The following PI4KA variants were observed in gnomAD, a reference collection of about 807,000 sequenced individuals.
PI4KA encodes the protein phosphatidylinositol 4-kinase alpha, also known as PI4-kinase alpha.
Under a neutral mutation model 271.4 loss-of-function variants are expected in PI4KA, and 122 were observed. That is an observed-to-expected ratio of 0.45 (90% CI 0.39 to 0.52). The LOEUF is 0.52. PI4KA is among the 20% of genes least tolerant of loss of function. PI4KA has a pLI of 0.00. For synonymous variants in PI4KA, 1,041 were observed against 1,078.8 expected (o/e 0.96, Z 0.69); for missense variants, 1,969 against 2,769.1 (o/e 0.71, Z 6.48).
chr22:20,758,449 T>G (rs1931569235), intron 23 of PI4KA, among the ~76,000 whole-genome samples: 1 of 139,376 alleles, frequency 7.2e-6, no homozygotes, highest in African/African-American at 2.7e-5. Flanking sequence ...GTGTGATTTT[T>G]CTTTCTTTTC....
At chr22:20,746,461 G>T (rs1274104432) in intron 29 of PI4KA, among the ~76,000 whole-genome samples, 1 of 152,186 alleles carries the variant, frequency 6.6e-6, no homozygotes, top group Non-Finnish European at 1.5e-5. Context: ...AGGCAAAACA[G>T]ATCTTTCACA....
At chr22:20,727,467 G>T in intron 40 of PI4KA, 70 bp from the exon 41 acceptor site, 2 of 1,384,440 alleles carry the variant, frequency 1.4e-6, no homozygotes, top group Non-Finnish European at 2.0e-6. Context: ...TGGTCCACGG[G>T]CCACACAAGG....
At chr22:20,740,947 A>G (rs1929357835) in intron 32 of PI4KA, among the ~76,000 whole-genome samples, 1 of 152,248 alleles carries the variant, frequency 6.6e-6, no homozygotes, top group African/African-American at 2.4e-5. Flanking sequence ...GGAACTGTTA[A>G]AGAAAATTAC....
chr22:20,800,768 A>G (rs1483621772), intron 14 of PI4KA, among the ~76,000 whole-genome samples: 5 of 149,718 alleles, frequency 3.3e-5, no homozygotes, highest in Non-Finnish European at 5.9e-5. Context: ...CAGCTACTCC[A>G]GAGGCTGAGG....
rs1924713061 is a variant in PI4KA, at chr22:20,707,941, C to T, written c.*106G>A. The T allele has an allele frequency of 9.8e-7, 1 of 1,021,300 alleles. No individual in the cohort carries two copies. The highest frequency in any genetic ancestry group is 1.6e-5 in the African/African-American group (1 of 63,642). 63.3% of individuals were successfully genotyped at this position (1,021,300 alleles called of 1,614,324 possible). ...GCTACCAGGTTCTTTGGGCCACAGG[C>T]CTCTCCTCCACTGCATGTGGCGGCA... On this transcript the variant is annotated 3_prime_UTR_variant, in exon 55 of 55. Coordinates refer to ENST00000255882, the MANE Select transcript of PI4KA (RefSeq NM_058004.4).
At position 20,709,990 on chromosome 22, in the gene PI4KA, T is replaced by C. The variant is rs769735124; in HGVS notation, c.6091A>G (p.Met2031Val). 2.9e-5 allele frequency: 47 copies of C among 1,612,176 alleles called. No individual in the cohort carries two copies. The highest frequency in any genetic ancestry group is 3.3e-4 in the Middle Eastern group (2 of 6,070). The stretch of plus-strand genomic sequence containing the variant: ...GTGACCAGGGAGACGACCGCGTCCA[T>C]GTAGGGCCTGGGGAGAGATAGGAGG... ...VRGYLAVRPY[M>V]DAVVSLVTLM... The change falls in exon 53 of 55, where the codon ATG (methionine) becomes GTG (valine). Residue 2031 changes from methionine (M) to valine (V), a missense_variant. Around this residue, in one of 13 missense-constraint regions of PI4KA, gnomAD observed 110 missense variants for 349.8 expected, o/e 0.31. Transcript: ENST00000255882.
chr22:20,784,573 G>A (rs1934057805), intron 19 of PI4KA, among the ~76,000 whole-genome samples: 1 of 152,206 alleles, frequency 6.6e-6, no homozygotes, highest in East Asian at 1.9e-4. Context: ...TACTTCCCCG[G>A]GTCACTTGAG....
chr22:20,849,895 C>T (rs1293753352), intron 1 of PI4KA, among the ~76,000 whole-genome samples: 1 of 152,070 alleles, frequency 6.6e-6, no homozygotes, highest in Non-Finnish European at 1.5e-5. Context: ...CAAAAAACCA[C>T]ATCTTATAGA....
At chr22:20,828,780 C>G (rs569173659) in intron 3 of PI4KA, among the ~76,000 whole-genome samples, 4 of 152,208 alleles carry the variant, frequency 2.6e-5, no homozygotes, top group African/African-American at 7.2e-5. Context: ...GTCTCAATCT[C>G]CTGACCTCGT....
At chr22:20,783,449 AAAAGAC>A (rs1453425482) in intron 19 of PI4KA, among the ~76,000 whole-genome samples, 9 of 151,560 alleles carry the variant, frequency 5.9e-5, no homozygotes, top group African/African-American at 1.9e-4. Flanking sequence ...AAAAAAAAAA[AAAAGAC>A]AGAAAGAAAA....
At chr22:20,771,485 A>G (rs1325844905) in intron 19 of PI4KA, among the ~76,000 whole-genome samples, 3 of 152,154 alleles carry the variant, frequency 2.0e-5, no homozygotes, top group African/African-American at 7.2e-5. Flanking sequence ...AAAAATGTCA[A>G]TGTCAAGAGG....
chr22:20,726,618 G>A, intron 41 of PI4KA, 77 bp from the exon 42 acceptor site: 2 of 1,308,466 alleles, frequency 1.5e-6, no homozygotes, highest in South Asian at 1.4e-5. Context: ...CCCTGCCTCT[G>A]CTTCTGCTCT....
intron 42 of PI4KA, chr22:20,721,641 C>T (rs1926751945): frequency 3.8e-6 from 2 of 531,566 alleles, no homozygotes; most frequent in East Asian, 3.0e-5. Context: ...GGTTGCAAAG[C>T]GGGCGACAGT....
At chr22:20,828,228 T>C (rs907906171) in intron 3 of PI4KA, among the ~76,000 whole-genome samples, 11 of 152,192 alleles carry the variant, frequency 7.2e-5, no homozygotes, top group Non-Finnish European at 1.5e-4. Flanking sequence ...TTTGCTGAAG[T>C]TGTTTATCAG....
Position 20,717,972 on chromosome 22 carries a change from G to A in PI4KA, c.5247-194C>T, listed in dbSNP as rs1248314852. ...TCATGGAGAATCCCCGACAGCCCCGGAAGGGCTGTTTTCTGGCAGGCTCTG... is the reference window on the plus strand; with the variant it reads ...TCATGGAGAATCCCCGACAGCCCCGAAAGGGCTGTTTTCTGGCAGGCTCTG... On this transcript the variant is annotated intron_variant, in intron 44 of 54. Transcript: ENST00000255882. 8.5e-6 allele frequency: 5 copies of A among 591,662 alleles called. No individual in the cohort carries two copies. In the East Asian group the frequency reaches 1.5e-4, roughly 18 times the overall value. 36.7% of individuals were successfully genotyped at this position (591,662 alleles called of 1,614,324 possible).
intron 37 of PI4KA, 73 bp downstream of exon 37, chr22:20,729,819 G>C (rs1927800128): frequency 6.2e-7 from 1 of 1,602,128 alleles, no homozygotes; most frequent in Non-Finnish European, 8.5e-7. Flanking sequence ...GTCTGAGCAA[G>C]TGTCCATCAA....
chr22:20,816,889 C>T lies in PI4KA; in HGVS notation c.856+1594G>A, dbSNP rs185598608. ...TGGGGCAGCGGTCATGGAGAGGAGC[C>T]CTCACCACAGAGGGTGGACAATGAG... On this transcript the variant is annotated intron_variant, in intron 7 of 54. Transcript: ENST00000255882. Among the ~76,000 whole-genome samples, 190 of 152,232 alleles carry T rather than the reference C, an allele frequency of 1.2e-3. 3 individuals are homozygous for T. The highest frequency in any genetic ancestry group is 0.012 in the Admixed American group (188 of 15,288).
chr22:20,737,956 C>T (rs6004102), intron 32 of PI4KA, among the ~76,000 whole-genome samples: 10,716 of 152,184 alleles, frequency 0.07, 367 homozygotes, highest in East Asian at 0.08. Context: ...TTAAGGCCCA[C>T]CGAGGTCTGA....
At chr22:20,839,574 G>A (rs939876505) in intron 1 of PI4KA, among the ~76,000 whole-genome samples, 1 of 152,236 alleles carries the variant, frequency 6.6e-6, no homozygotes, top group Non-Finnish European at 1.5e-5. Context: ...GCTCACGCCT[G>A]TAATCCCAGC....
Sources: gnomAD v4.1 joint callset for allele counts (sites outside exome capture counted in the v4.1 genomes callset) on GRCh38, gnomAD v4.1.1 for gene constraint, gnomAD v4.1.1 regional missense constraint, MANE v1.5 for transcripts, NCBI Gene and HGNC (gene_info 2026-07-23, HGNC 2026-07-21) for gene names.